The following CHCHD3 variants were observed in gnomAD, a reference collection of about 807,000 sequenced individuals.
CHCHD3 encodes the protein MICOS complex subunit MIC19.
A neutral mutation model predicts 38.2 loss-of-function variants in CHCHD3; 20 were observed. The ratio of observed to expected loss-of-function variants is 0.52; its 90% CI spans 0.37 to 0.76. The LOEUF (loss-of-function observed/expected upper bound fraction) is 0.76, where lower values mean the gene tolerates loss of function less well. Ranked by LOEUF, CHCHD3 falls within the 30% of genes least tolerant of loss-of-function variation. The pLI, the probability that CHCHD3 is intolerant of heterozygous loss-of-function variation, is 0.00. For synonymous variants in CHCHD3, 82 were observed against 100.0 expected (o/e 0.82, Z 1.07); for missense variants, 245 against 279.2 (o/e 0.88, Z 0.87).
intron 4 of CHCHD3, among the ~76,000 whole-genome samples, chr7:132,919,663 A>G (rs1333377135): frequency 6.6e-6 from 1 of 152,220 alleles, no homozygotes; most frequent in Non-Finnish European, 1.5e-5. Context: ...ACACGCCTCT[A>G]TAAACAACAA....
rs1042666220 is a variant in CHCHD3, at chr7:132,788,429, C to A, written c.661-2769G>T. Among the ~76,000 whole-genome samples, 3 of 152,178 alleles carry A rather than the reference C, an allele frequency of 2.0e-5. No homozygotes were observed. Among genetic ancestry groups the A allele is most frequent in the Non-Finnish European group, 4.4e-5 (3 of 68,034 alleles). On this transcript the variant is annotated intron_variant, in intron 7 of 7. Coordinates refer to ENST00000262570, the MANE Select transcript of CHCHD3 (RefSeq NM_017812.4). The surrounding 1 kb of genome is among the most constrained non-coding windows in gnomAD (Gnocchi z 4.0). The stretch of plus-strand genomic sequence containing the variant: ...TTGGGCTTAGGGTTACAAGGATAAC[C>A]ACATGACAATGTACCTCCTTTCAAA...
intron 2 of CHCHD3, among the ~76,000 whole-genome samples, chr7:133,024,940 CAT>C (rs1813295657): frequency 6.6e-6 from 1 of 152,062 alleles, no homozygotes; most frequent in Non-Finnish European, 1.5e-5. Context: ...GATGTCCTAA[CAT>C]TAAAGTCTGA....
In CHCHD3 at chr7:132,838,485, G is replaced by GATA; in HGVS notation, c.454-19_454-17dup. On this transcript the variant is annotated splice_polypyrimidine_tract_variant and intron_variant, in intron 5 of 7. Transcript: ENST00000262570. ...ACTCTGAGCTCTGTGGACAAAGATT[G>GATA]ATAGCAAAGGTTTCACTATCCAAGA... The GATA allele has an allele frequency of 4.4e-6, 7 of 1,578,562 alleles. No individual in the cohort carries two copies. Among genetic ancestry groups the GATA allele is most frequent in the Non-Finnish European group, 6.1e-6 (7 of 1,151,724 alleles).
At chr7:132,867,497 A>G (rs1421827273) in intron 5 of CHCHD3, among the ~76,000 whole-genome samples, 2 of 152,220 alleles carry the variant, frequency 1.3e-5, no homozygotes, top group African/African-American at 4.8e-5. Flanking sequence ...CAGAACTTAC[A>G]GAGGTAGGTT....
At chr7:133,020,101 A>G (rs951377145) in intron 3 of CHCHD3, among the ~76,000 whole-genome samples, 1 of 152,010 alleles carries the variant, frequency 6.6e-6, no homozygotes, top group African/African-American at 2.4e-5. Flanking sequence ...AGACCCAAAA[A>G]TTTTCGTGTG....
chr7:132,900,976 G>A (rs766913943), intron 4 of CHCHD3, among the ~76,000 whole-genome samples: 1 of 152,150 alleles, frequency 6.6e-6, no homozygotes, highest in Non-Finnish European at 1.5e-5. Context: ...GGGCGACAGA[G>A]CAAGCCTCCC....
At chr7:132,951,804 C>T (rs1012397642) in intron 4 of CHCHD3, among the ~76,000 whole-genome samples, 1 of 152,084 alleles carries the variant, frequency 6.6e-6, no homozygotes, top group Non-Finnish European at 1.5e-5. Context: ...GATGAAAATG[C>T]CATCTTGATT....
At chr7:132,894,037 A>G (rs953916577) in intron 4 of CHCHD3, among the ~76,000 whole-genome samples, 13 of 152,216 alleles carry the variant, frequency 8.5e-5, no homozygotes, top group African/African-American at 2.9e-4. Flanking sequence ...AAGTAAAGCC[A>G]ACATTGAATA....
chr7:133,015,397 C>T (rs1813002743), intron 3 of CHCHD3, among the ~76,000 whole-genome samples: 1 of 134,144 alleles, frequency 7.5e-6, no homozygotes, highest in African/African-American at 2.6e-5. Context: ...TCAGGTATAG[C>T]CTACACAACA....
At chr7:132,933,918 G>C (rs1810574913) in intron 4 of CHCHD3, among the ~76,000 whole-genome samples, 1 of 152,214 alleles carries the variant, frequency 6.6e-6, no homozygotes, top group Non-Finnish European at 1.5e-5. Context: ...AGCCTATCTG[G>C]GTTGTGGGTG....
intron 7 of CHCHD3, among the ~76,000 whole-genome samples, chr7:132,796,128 A>G (rs1806604914): frequency 6.6e-6 from 1 of 152,080 alleles, no homozygotes; most frequent in Non-Finnish European, 1.5e-5. Context: ...TATTGGCCTA[A>G]AAGTATGAGG....
rs188997165 is a variant in CHCHD3 at position 133,082,054 on chromosome 7, C to A, written c.-117G>T. On this transcript the variant is annotated 5_prime_UTR_variant, in exon 1 of 8. Coordinates refer to ENST00000262570, the MANE Select transcript of CHCHD3 (RefSeq NM_017812.4). ...CTTTTCCCGCACAGCGGGAGCAAGG[C>A]CACGACCCCCAGAAGCAAGGAGAAG... 255 of 917,568 alleles carry A rather than the reference C, an allele frequency of 2.8e-4. No homozygotes were observed. The highest frequency in any genetic ancestry group is 1.0e-3 in the Admixed American group (32 of 31,514). 56.8% of individuals were successfully genotyped at this position (917,568 alleles called of 1,614,324 possible). A position where few individuals can be genotyped will look rare whatever the true frequency, so the allele number is the denominator to read the frequency against.
intron 3 of CHCHD3, among the ~76,000 whole-genome samples, chr7:132,980,596 T>C (rs1195528559): frequency 6.6e-6 from 1 of 152,186 alleles, no homozygotes; most frequent in Non-Finnish European, 1.5e-5. Flanking sequence ...ATGAAACAAA[T>C]ACCAGTCAGT....
At chr7:132,894,243 A>G (rs1809440034) in intron 4 of CHCHD3, among the ~76,000 whole-genome samples, 1 of 152,232 alleles carries the variant, frequency 6.6e-6, no homozygotes, top group Non-Finnish European at 1.5e-5. Flanking sequence ...GAGAGGGAAC[A>G]ATTGTAAACT....
chr7:132,922,557 A>G (rs1342466028), intron 4 of CHCHD3, among the ~76,000 whole-genome samples: 1 of 143,752 alleles, frequency 7.0e-6, no homozygotes, highest in African/African-American at 2.5e-5. Flanking sequence ...CTTCCTCTCT[A>G]TACTTTTTTT....
intron 2 of CHCHD3, among the ~76,000 whole-genome samples, chr7:133,030,540 C>G (rs1278528130): frequency 6.6e-6 from 1 of 151,762 alleles, no homozygotes; most frequent in East Asian, 1.9e-4. Flanking sequence ...GGAGTAAAAA[C>G]AAAAAAATGT....
intron 2 of CHCHD3, among the ~76,000 whole-genome samples, chr7:133,046,604 C>T (rs1166659849): frequency 6.6e-6 from 1 of 151,640 alleles, no homozygotes; most frequent in Non-Finnish European, 1.5e-5. Context: ...TTCTGTCGCC[C>T]AGGCTGGAGT....
chr7:132,786,366 T>A (rs1472966605), intron 7 of CHCHD3, among the ~76,000 whole-genome samples: 1 of 152,216 alleles, frequency 6.6e-6, no homozygotes, highest in Non-Finnish European at 1.5e-5. Flanking sequence ...AACGCAGATG[T>A]TCATGTGCTC....
intron 4 of CHCHD3, among the ~76,000 whole-genome samples, chr7:132,974,676 C>G (rs956899977): frequency 6.6e-6 from 1 of 152,098 alleles, no homozygotes. Context: ...GAGTTCAAGA[C>G]CAGCCTGGCC....
Sources: allele counts gnomAD v4.1 joint callset (sites outside exome capture counted in the v4.1 genomes callset), GRCh38; gene constraint gnomAD v4.1.1; non-coding constraint Gnocchi (gnomAD v3.1); transcripts MANE v1.5; gene names NCBI Gene and HGNC (gene_info 2026-07-23, HGNC 2026-07-21).